DLG1: variants seen among roughly 807,000 people sequenced by gnomAD.
DLG1 encodes the protein disks large homolog 1.
DLG1 carries 42 observed loss-of-function variants against 123.4 expected under a neutral mutation model. The observed-to-expected ratio is 0.34, with a 90% CI of 0.27 to 0.44. DLG1 has a LOEUF of 0.44. Ranked by LOEUF, DLG1 falls within the 20% of genes least tolerant of loss-of-function variation. The probability of loss-of-function intolerance (pLI) is 1.00; values close to 1 mark genes in which losing one functional copy is unlikely to be tolerated. For synonymous variants in DLG1, 317 were observed against 356.2 expected (o/e 0.89, Z 1.24); for missense variants, 942 against 1,082.6 (o/e 0.87, Z 1.82).
rs541263843 is a variant in DLG1, at chr3:197,221,777, G to A, written c.319-27188C>T. On this transcript the variant is annotated intron_variant, in intron 4 of 24. Coordinates refer to ENST00000667157, the MANE Select transcript of DLG1 (RefSeq NM_001366207.1). Reference sequence around the variant, plus strand: ...ATTGCTTTGCCCAACACTACAATCTGTTTTCCCTGCTTTTGTTTAATATAG... The same window carrying A: ...ATTGCTTTGCCCAACACTACAATCTATTTTCCCTGCTTTTGTTTAATATAG... 2.6e-5 allele frequency among the ~76,000 whole-genome samples: 4 copies of A among 152,248 alleles called. No homozygotes were observed. In the East Asian group the frequency reaches 7.7e-4, roughly 29 times the overall value.
At chr3:197,051,303 GCCCCAGC>G (rs1456850216) in intron 24 of DLG1, among the ~76,000 whole-genome samples, 21 of 148,340 alleles carry the variant, frequency 1.4e-4, no homozygotes, top group African/African-American at 5.0e-4. Context: ...AGCCAGGGAG[GCCCCAGC>G]TACTCGGGAG....
chr3:197,068,674 C>A, intron 19 of DLG1: 1 of 557,026 alleles, frequency 1.8e-6, no homozygotes, highest in South Asian at 2.3e-5. Context: ...TTGTGCAGTT[C>A]ACTTAATAAA....
At chr3:197,148,449 A>G (rs1422513193) in intron 6 of DLG1, among the ~76,000 whole-genome samples, 1 of 150,932 alleles carries the variant, frequency 6.6e-6, no homozygotes, top group Non-Finnish European at 1.5e-5. Context: ...GAATACATAG[A>G]AGTGAATTTA....
chr3:197,085,591 G>T lies in DLG1; in HGVS notation c.1827C>A (p.Pro609=), dbSNP rs773538320. 1.4e-5 allele frequency: 22 copies of T among 1,613,762 alleles called. No individual in the cohort carries two copies. The highest frequency in any genetic ancestry group is 1.8e-5 in the Non-Finnish European group (21 of 1,179,964). The change falls in exon 16 of 25, where the codon CCC becomes CCA. Residue 609 remains proline, a synonymous_variant. Coordinates refer to ENST00000667157, the MANE Select transcript of DLG1 (RefSeq NM_001366207.1). The stretch of plus-strand genomic sequence containing the variant: ...AGAAACAGGCATACCTGCGTTTACT[G>T]GGAATCACTCCGACCTCATCGCTCT... ...DGESDEVGVI[P]SKRRVEKKER... is the part of the protein sequence containing the mutation.
chr3:197,067,600 TAGTCTGGAGTGCA>T (rs1209562556), intron 19 of DLG1, among the ~76,000 whole-genome samples: 1 of 139,252 alleles, frequency 7.2e-6, no homozygotes, highest in African/African-American at 2.7e-5. Context: ...TCTTGTTGCC[TAGTCTGGAGTGCA>T]ATGGCATGAT....
chr3:197,219,350 A>G (rs933573600), intron 4 of DLG1, among the ~76,000 whole-genome samples: 2 of 152,068 alleles, frequency 1.3e-5, no homozygotes, highest in African/African-American at 2.4e-5. Flanking sequence ...AAACCACATC[A>G]CCTTTACTTA....
chr3:197,059,897 T>C lies in DLG1; in HGVS notation c.2475A>G (p.Glu825=). Residue 825 remains glutamate (E), a synonymous_variant, in exon 23 of 25, where the codon GAA becomes GAG. Coordinates refer to ENST00000667157, the MANE Select transcript of DLG1 (RefSeq NM_001366207.1). The part of the protein sequence containing the change: ...ISIFIKPKSM[E]NIMEMNKRLT... ...TAGGCATTTACACTTACATGATATT[T>C]TCCATGGATTTGGGTTTAATAAAAA... 6.2e-7 allele frequency: 1 copy of C among 1,609,992 alleles called. No individual in the cohort carries two copies. Among genetic ancestry groups the C allele is most frequent in the Non-Finnish European group, 8.5e-7 (1 of 1,176,522 alleles).
chr3:197,297,545 T>A, intron 1 of DLG1: 1 of 1,110,706 alleles, frequency 9.0e-7, no homozygotes, highest in Non-Finnish European at 1.1e-6. Flanking sequence ...ACTCCCCACC[T>A]GCTACTGGGT....
At chr3:197,052,936 C>A (rs1159663883) in intron 23 of DLG1, among the ~76,000 whole-genome samples, 3 of 152,162 alleles carry the variant, frequency 2.0e-5, no homozygotes, top group Admixed American at 1.3e-4. Flanking sequence ...AAATAACCAG[C>A]AACATTTGAA....
At chr3:197,068,384 A>T in intron 19 of DLG1, 1 of 430,348 alleles carries the variant, frequency 2.3e-6, no homozygotes, top group Non-Finnish European at 3.9e-6. Context: ...TTTCCACACC[A>T]AAAAAAAAAT....
In DLG1 at chr3:197,110,210, T is replaced by C. The variant is rs1348671255; in HGVS notation, c.1444-5205A>G. Among the ~76,000 whole-genome samples, 3 of 152,208 alleles carry C rather than the reference T, an allele frequency of 2.0e-5. No individual in the cohort carries two copies. In the East Asian group the frequency reaches 5.8e-4, roughly 29 times the overall value. The stretch of plus-strand genomic sequence containing the variant: ...TTTGTTATTGTTCAGTTCTTCAGCA[T>C]CAAAATCTCAATTGACCCATCTTCA... On this transcript the variant is annotated intron_variant, in intron 13 of 24. Transcript: ENST00000667157.
At chr3:197,272,347 T>A (rs562308802) in intron 4 of DLG1, among the ~76,000 whole-genome samples, 2 of 149,940 alleles carry the variant, frequency 1.3e-5, no homozygotes, top group South Asian at 2.1e-4. Context: ...CAAGACCTCC[T>A]CTAAGGAAAA....
At chr3:197,213,802 G>GT (rs1732561599) in intron 4 of DLG1, among the ~76,000 whole-genome samples, 1 of 152,150 alleles carries the variant, frequency 6.6e-6, no homozygotes, top group South Asian at 2.1e-4. Flanking sequence ...CTATAATAAT[G>GT]TTTTTGCAAT....
rs552344373 is a variant in DLG1, at chr3:197,256,433, C to T, written c.318+26246G>A. Among the ~76,000 whole-genome samples the T allele has an allele frequency of 4.6e-5, 7 of 152,358 alleles. No homozygotes were observed. In the South Asian group the frequency reaches 1.0e-3, roughly 23 times the overall value. On this transcript the variant is annotated intron_variant, in intron 4 of 24. Transcript: ENST00000667157. Reference sequence around the variant, plus strand: ...TGTTTATTTTCTACAGTACTTCACACACAGTAGGCACTCAGCGAAGCTAAA... The same window carrying T: ...TGTTTATTTTCTACAGTACTTCACATACAGTAGGCACTCAGCGAAGCTAAA...
intron 5 of DLG1, among the ~76,000 whole-genome samples, chr3:197,166,843 G>T (rs891222133): frequency 6.6e-6 from 1 of 151,822 alleles, no homozygotes; most frequent in Non-Finnish European, 1.5e-5. Flanking sequence ...AGTGAGCCAA[G>T]ATCACGCCAT....
chr3:197,297,391 G>A, intron 1 of DLG1, 156 bp from the exon 2 acceptor site: 1 of 1,436,848 alleles, frequency 7.0e-7, no homozygotes, highest in Admixed American at 2.8e-5. Context: ...GCAGTTGTCT[G>A]TCAACGTGGA....
At chr3:197,207,447 AC>A (rs1179623246) in intron 4 of DLG1, among the ~76,000 whole-genome samples, 1 of 147,290 alleles carries the variant, frequency 6.8e-6, no homozygotes, top group Non-Finnish European at 1.5e-5. Context: ...GTTTATCTAT[AC>A]TTTTATCTTT....
intron 4 of DLG1, among the ~76,000 whole-genome samples, chr3:197,256,255 T>G (rs1265578522): frequency 6.6e-6 from 1 of 152,272 alleles, no homozygotes; most frequent in East Asian, 1.9e-4. Context: ...GCAGGCCATA[T>G]GCTCACTGCT....
At position 197,104,923 on chromosome 3, in the gene DLG1, A is replaced by T. The variant is rs1423689971; in HGVS notation, c.1526T>A (p.Val509Asp). ...ATTACCTTCAGGTCGATATTGTGCAACAATTGTGACAGCCTGGCCAGCATT... is the reference window on the plus strand; with the variant it reads ...ATTACCTTCAGGTCGATATTGTGCATCAATTGTGACAGCCTGGCCAGCATT... Reference protein sequence around the residue: ...LKNAGQAVTIVAQYRPEEYSR... With the variant: ...LKNAGQAVTIDAQYRPEEYSR... The change falls in exon 14 of 25, where the codon GTT becomes GAT. Residue 509 changes from valine (V) to aspartate (D), a missense_variant. Coordinates refer to ENST00000667157, the MANE Select transcript of DLG1 (RefSeq NM_001366207.1). 6.2e-7 allele frequency: 1 copy of T among 1,612,938 alleles called. No individual in the cohort carries two copies. The highest frequency in any genetic ancestry group is 8.5e-7 in the Non-Finnish European group (1 of 1,179,198).
Sources: allele counts gnomAD v4.1 joint callset (sites outside exome capture counted in the v4.1 genomes callset), GRCh38; gene constraint gnomAD v4.1.1; transcripts MANE v1.5; gene names NCBI Gene and HGNC (gene_info 2026-07-23, HGNC 2026-07-21).